LONRF2: variants seen among roughly 807,000 people sequenced by gnomAD.
LONRF2 encodes LON peptidase N-terminal domain and RING finger protein 2.
Under a neutral mutation model 66.6 loss-of-function variants are expected in LONRF2, and 35 were observed. That is an observed-to-expected ratio of 0.53 (90% confidence interval 0.40 to 0.70). LONRF2 has a LOEUF of 0.70. Ranked by LOEUF, LONRF2 falls within the 30% of genes least tolerant of loss-of-function variation. The pLI is 0.00. For synonymous variants in LONRF2, 417 were observed against 418.1 expected (o/e 1.00, Z 0.03); for missense variants, 902 against 1,002.1 (o/e 0.90, Z 1.35).
At chr2:100,299,201 T>C in intron 6 of LONRF2, 25 bp downstream of exon 6, 1 of 1,505,326 alleles carries the variant, frequency 6.6e-7, no homozygotes. Context: ...TTTAAAAGAG[T>C]TGCACGGATT....
chr2:100,318,142 C>CTT (rs1675545895), intron 1 of LONRF2, among the ~76,000 whole-genome samples: 1 of 152,158 alleles, frequency 6.6e-6, no homozygotes, highest in South Asian at 2.1e-4. Context: ...CCCATGCTCT[C>CTT]TTTTAGTCTT....
chr2:100,322,234 C>G lies in LONRF2; in HGVS notation c.-141G>C. ...GCGTCTGGGGGCGGCGCGCTGCGAG[C>G]GGCTGAGACCGCGGGCGGGGGCGGG... is the stretch of plus-strand genomic sequence containing the variant. On this transcript the variant is annotated 5_prime_UTR_variant, in exon 1 of 12. Coordinates refer to ENST00000393437, the MANE Select transcript of LONRF2 (RefSeq NM_198461.4). 1 of 723,172 alleles carries G rather than the reference C, an allele frequency of 1.4e-6. No individual in the cohort carries two copies. The highest frequency in any genetic ancestry group is 1.8e-6 in the Non-Finnish European group (1 of 565,906). The allele number at this position is 723,172 out of a possible 1,614,324, so 44.8% of individuals were successfully genotyped here. A position where few individuals can be genotyped will look rare whatever the true frequency, so the allele number is the denominator to read the frequency against.
rs1674713144 is a variant in LONRF2, at chr2:100,281,314, G to C, written c.*2984C>G. The stretch of plus-strand genomic sequence containing the variant: ...TTTGTTTGTTTTTGTTTTTGAGAGA[G>C]GGAGGAGGTTTAAGTGCAAAAAGGA... On this transcript the variant is annotated 3_prime_UTR_variant, in exon 12 of 12. Transcript: ENST00000393437. 6.6e-6 allele frequency: 1 copy of C among 152,262 alleles called. No individual in the cohort carries two copies. Among genetic ancestry groups the C allele is most frequent in the Admixed American group, 6.6e-5 (1 of 15,254 alleles). 9.4% of individuals were successfully genotyped at this position (152,262 alleles called of 1,614,324 possible). A position where few individuals can be genotyped will look rare whatever the true frequency, so the allele number is the denominator to read the frequency against.
At chr2:100,319,797 A>G (rs1037234647) in intron 1 of LONRF2, among the ~76,000 whole-genome samples, 1 of 152,202 alleles carries the variant, frequency 6.6e-6, no homozygotes, top group Non-Finnish European at 1.5e-5. Context: ...TAACAATGAC[A>G]TACACTCTTG....
At chr2:100,307,349 A>C (rs1573122530) in intron 2 of LONRF2, among the ~76,000 whole-genome samples, 2 of 152,270 alleles carry the variant, frequency 1.3e-5, no homozygotes, top group Middle Eastern at 6.8e-3. Context: ...TCAAACACTA[A>C]ATATTCATTT....
Position 100,321,456 on chromosome 2 carries a change from G to A in LONRF2, c.638C>T (p.Pro213Leu). ...QARSLQRQQQ[P>L]EAALLRCDQA... ...GTCGCACCTGAGCAGCGCGGCCTCC[G>A]GCTGCTGCTGGCGCTGCAGGCTCCG... The change falls in exon 1 of 12, where the codon CCG becomes CTG. Residue 213 changes from proline (P) to leucine (L), a missense_variant. Pro to Leu is a moderately conservative substitution (Grantham distance 98, BLOSUM62 -3). This residue lies in a region of LONRF2 where 585 missense variants were observed against 569.9 expected (regional missense o/e 1.03). Coordinates refer to ENST00000393437, the MANE Select transcript of LONRF2 (RefSeq NM_198461.4). 6.7e-7 allele frequency: 1 copy of A among 1,497,988 alleles called. No homozygotes were observed. Among genetic ancestry groups the A allele is most frequent in the Non-Finnish European group, 8.8e-7 (1 of 1,134,658 alleles). The allele number at this position is 1,497,988 out of a possible 1,614,324, so 92.8% of individuals were successfully genotyped here.
At chr2:100,319,120 TAAA>T (rs10658854) in intron 1 of LONRF2, among the ~76,000 whole-genome samples, 1 of 140,422 alleles carries the variant, frequency 7.1e-6, no homozygotes, top group African/African-American at 2.6e-5. Flanking sequence ...GACTCCGTCT[TAAA>T]AAAAAAAAAA....
chr2:100,284,515 G>A lies in LONRF2; in HGVS notation c.2071-23C>T, dbSNP rs559528408. On this transcript the variant is annotated intron_variant, in intron 11 of 11. Transcript: ENST00000393437. ...ACTCTGCAAAAGAGATGAGGGGAAA[G>A]CAAGGTTAACACTGGAAATGCAAGC... The A allele has an allele frequency of 7.3e-6, 11 of 1,514,746 alleles. No individual in the cohort carries two copies. The South Asian group carries it at 1.3e-4, about 18-fold the overall frequency. The allele number at this position is 1,514,746 out of a possible 1,614,324, so 93.8% of individuals were successfully genotyped here.
chr2:100,322,321 G>T lies in LONRF2; in HGVS notation c.-228C>A. ...CGGCGAGCCCCGCAGGGCTGCAATC[G>T]TTCCGGGGTGGGGGCCGGGACAGGC... On this transcript the variant is annotated 5_prime_UTR_variant, in exon 1 of 12. Coordinates refer to ENST00000393437, the MANE Select transcript of LONRF2 (RefSeq NM_198461.4). 2.9e-6 allele frequency: 1 copy of T among 343,118 alleles called. No individual in the cohort carries two copies. Among genetic ancestry groups the T allele is most frequent in the Non-Finnish European group, 5.1e-6 (1 of 197,690 alleles). The allele number at this position is 343,118 out of a possible 1,614,324, so 21.3% of individuals were successfully genotyped here.
chr2:100,293,045 C>G (rs1414152166), intron 9 of LONRF2, among the ~76,000 whole-genome samples: 1 of 152,174 alleles, frequency 6.6e-6, no homozygotes, highest in Non-Finnish European at 1.5e-5. Flanking sequence ...CTTGATATTA[C>G]AGGAATGTTC....
In LONRF2 at chr2:100,283,827, G is replaced by A. The variant is rs963071040; in HGVS notation, c.*471C>T. 1 of 153,354 alleles carries A rather than the reference G, an allele frequency of 6.5e-6. No homozygotes were observed. Among genetic ancestry groups the A allele is most frequent in the Non-Finnish European group, 1.5e-5 (1 of 68,838 alleles). The allele number at this position is 153,354 out of a possible 1,614,324, so 9.5% of individuals were successfully genotyped here. ...AGACAACTTCACAGCAACACGCAAAGCCTAAGCGTAGTTTTGGTTAGCCTG... is the reference window on the plus strand; with the variant it reads ...AGACAACTTCACAGCAACACGCAAAACCTAAGCGTAGTTTTGGTTAGCCTG... On this transcript the variant is annotated 3_prime_UTR_variant, in exon 12 of 12. Coordinates refer to ENST00000393437, the MANE Select transcript of LONRF2 (RefSeq NM_198461.4).
rs1489440951 is a variant in LONRF2, at chr2:100,286,936, G to A, written c.2048C>T (p.Pro683Leu). ...EQILSHFGVM[P>L]DREPEPQSNP... The stretch of plus-strand genomic sequence containing the variant: ...TACCTGAGGCTCAGGTTCTCTGTCT[G>A]GCATTACCCCAAAATGACTTAAAAT... The change falls in exon 11 of 12, where the codon CCA becomes CTA. Residue 683 changes from proline (P) to leucine (L), a missense_variant. Physicochemically the swap from Pro to Leu is moderately conservative, Grantham distance 98 (BLOSUM62 -3). Around this residue, in one of 2 missense-constraint regions of LONRF2, gnomAD observed 317 missense variants for 432.2 expected, o/e 0.73. Transcript: ENST00000393437. 1 of 1,613,852 alleles carries A rather than the reference G, an allele frequency of 6.2e-7. No individual in the cohort carries two copies. Among genetic ancestry groups the A allele is most frequent in the African/African-American group, 1.3e-5 (1 of 75,006 alleles).
intron 2 of LONRF2, among the ~76,000 whole-genome samples, chr2:100,308,768 C>T (rs1184503351): frequency 6.6e-6 from 1 of 152,118 alleles, no homozygotes; most frequent in Non-Finnish European, 1.5e-5. Flanking sequence ...ATGTGATCTT[C>T]CTATTTACAT....
At position 100,282,855 on chromosome 2, in the gene LONRF2, C is replaced by G. The variant is rs1674767546; in HGVS notation, c.*1443G>C. ...TCTTTATCTACTGAAACTACTTTAT[C>G]TACTGAAAACTAAAGAAAAATTAAT... On this transcript the variant is annotated 3_prime_UTR_variant, in exon 12 of 12. Coordinates refer to ENST00000393437, the MANE Select transcript of LONRF2 (RefSeq NM_198461.4). 2.1e-5 allele frequency: 2 copies of G among 96,916 alleles called. No homozygotes were observed. Among genetic ancestry groups the G allele is most frequent in the Admixed American group, 8.9e-5 (1 of 11,202 alleles). The allele number at this position is 96,916 out of a possible 1,614,324, so 6.0% of individuals were successfully genotyped here.
chr2:100,284,329 T>C lies in LONRF2; in HGVS notation c.2234A>G (p.Glu745Gly). The C allele has an allele frequency of 6.4e-7, 1 of 1,572,072 alleles. No homozygotes were observed. The part of the protein sequence containing the change: ...IITRKMNSRQ[E>G]LANARERNN ...ATTTCTCTCCCTGGCATTAGCCAGC[T>C]CTTGCCGACTATTCATCTTACGCGT... is the stretch of plus-strand genomic sequence containing the variant. Residue 745 changes from glutamate (E) to glycine (G), a missense_variant, in exon 12 of 12, where the codon GAG (glutamate) becomes GGG (glycine). Coordinates refer to ENST00000393437, the MANE Select transcript of LONRF2 (RefSeq NM_198461.4).
rs1674932245 is a variant in LONRF2, at chr2:100,290,281, T to C, written c.1897A>G (p.Ile633Val). Residue 633 changes from isoleucine to valine, a missense_variant, in exon 10 of 12, where the codon ATT (isoleucine) becomes GTT (valine). By Grantham distance (29) the Ile-to-Val change is conservative. Transcript: ENST00000393437. The stretch of plus-strand genomic sequence containing the variant: ...ACCTTTTCATCTTCAAGATATTCAA[T>C]GTCCGCTGTGTTATAGCCATCTCTG... The part of the protein sequence containing the change: ...RHRDGYNTAD[I>V]EYLEDEKVEG... The C allele has an allele frequency of 1.2e-6, 2 of 1,613,420 alleles. No individual in the cohort carries two copies. Among genetic ancestry groups the C allele is most frequent in the Non-Finnish European group, 1.7e-6 (2 of 1,179,790 alleles).
At chr2:100,299,407 C>T (rs559143450) in intron 5 of LONRF2, 88 bp from the exon 6 acceptor site, 24 of 758,646 alleles carry the variant, frequency 3.2e-5, no homozygotes, top group Middle Eastern at 5.5e-4. Context: ...CTGGACCAAA[C>T]GTGTTGTATC....
chr2:100,295,514 C>G lies in LONRF2; in HGVS notation c.1516G>C (p.Glu506Gln). Residue 506 changes from glutamate (E) to glutamine (Q), a missense_variant, in exon 8 of 12, where the codon GAA (glutamate) becomes CAA (glutamine). Coordinates refer to ENST00000393437, the MANE Select transcript of LONRF2 (RefSeq NM_198461.4). ...GGCAAATATCGAAATATTAATTCTTCGGCCAGAACAGTTATGTTAAAGTTT... is the reference window on the plus strand; with the variant it reads ...GGCAAATATCGAAATATTAATTCTTGGGCCAGAACAGTTATGTTAAAGTTT... ...SRNFNITVLAEELIFRYLPDE... is the reference protein window; with the variant it reads ...SRNFNITVLAQELIFRYLPDE... The G allele has an allele frequency of 2.5e-6, 4 of 1,613,436 alleles. No individual in the cohort carries two copies. The highest frequency in any genetic ancestry group is 3.4e-6 in the Non-Finnish European group (4 of 1,179,672).
intron 1 of LONRF2, among the ~76,000 whole-genome samples, chr2:100,312,259 T>A (rs1675425066): frequency 6.6e-6 from 1 of 152,214 alleles, no homozygotes; most frequent in African/African-American, 2.4e-5. Context: ...CCTTTTTATA[T>A]AAGTTTTAAA....
Sources: gnomAD v4.1 joint callset for allele counts (sites outside exome capture counted in the v4.1 genomes callset) on GRCh38, gnomAD v4.1.1 for gene constraint, gnomAD v4.1.1 regional missense constraint, MANE v1.5 for transcripts, NCBI Gene and HGNC (gene_info 2026-07-23, HGNC 2026-07-21) for gene names.